The following GRIK4 variants were observed in gnomAD, a reference collection of about 807,000 sequenced individuals.
GRIK4 encodes glutamate ionotropic receptor kainate type subunit 4.
GRIK4 carries 40 observed loss-of-function variants against 104.9 expected under a neutral mutation model. The observed-to-expected ratio is 0.38, with a 90% CI of 0.30 to 0.50. GRIK4 has a LOEUF of 0.50. Ranked by LOEUF, GRIK4 falls within the 20% of genes least tolerant of loss-of-function variation. The pLI is 0.93. For missense variants in GRIK4, 1,047 were observed against 1,308.1 expected (o/e 0.80, Z 3.08); for synonymous variants, 485 against 524.9 (o/e 0.92, Z 1.04).
intron 11 of GRIK4, among the ~76,000 whole-genome samples, chr11:120,889,051 G>T (rs1955198982): frequency 6.6e-6 from 1 of 152,104 alleles, no homozygotes; most frequent in African/African-American, 2.4e-5. Flanking sequence ...GTATTTGATG[G>T]TTCCCTCTGC....
At chr11:120,817,361 A>T (rs1952988865) in intron 5 of GRIK4, among the ~76,000 whole-genome samples, 1 of 152,106 alleles carries the variant, frequency 6.6e-6, no homozygotes, top group Non-Finnish European at 1.5e-5. Flanking sequence ...CTGCCCTGGG[A>T]GTGGCCAGAC....
chr11:120,687,652 A>G (rs1402231437), intron 3 of GRIK4, among the ~76,000 whole-genome samples: 1 of 152,136 alleles, frequency 6.6e-6, no homozygotes, highest in African/African-American at 2.4e-5. Flanking sequence ...ATCTTCCTCA[A>G]GAGGTGTTTT....
At chr11:120,727,911 G>T (rs1302820959) in intron 3 of GRIK4, among the ~76,000 whole-genome samples, 1 of 152,088 alleles carries the variant, frequency 6.6e-6, no homozygotes, top group African/African-American at 2.4e-5. Context: ...AATATGGTTT[G>T]AGAGAAAAAT....
At position 120,939,442 on chromosome 11, in the gene GRIK4, A is replaced by C. The variant is rs937266653; in HGVS notation, c.1477-905A>C. Among the ~76,000 whole-genome samples, 12 of 152,170 alleles carry C rather than the reference A, an allele frequency of 7.9e-5. No individual in the cohort carries two copies. Among genetic ancestry groups the C allele is most frequent in the Non-Finnish European group, 1.3e-4 (9 of 68,024 alleles). On this transcript the variant is annotated intron_variant, in intron 13 of 20. Transcript: ENST00000527524. The surrounding 1 kb of genome is among the most constrained non-coding windows in gnomAD (Gnocchi z 5.6). ...TGAAGTTTCACCTGGACAGCGACAT[A>C]AGTGGCCAGTGATCCAGGAGGCCTG...
chr11:120,780,613 C>A (rs569058626), intron 3 of GRIK4, among the ~76,000 whole-genome samples: 1 of 152,288 alleles, frequency 6.6e-6, no homozygotes, highest in South Asian at 2.1e-4. Flanking sequence ...CAATTTGAGA[C>A]CCTGCTTTCT....
intron 1 of GRIK4, among the ~76,000 whole-genome samples, chr11:120,583,380 T>C (rs879814311): frequency 6.6e-6 from 1 of 152,240 alleles, no homozygotes; most frequent in Non-Finnish European, 1.5e-5. Flanking sequence ...AATTTTTGTT[T>C]CTGTTGGAGT....
chr11:120,847,484 G>A (rs1018958107), intron 8 of GRIK4, among the ~76,000 whole-genome samples: 6 of 152,198 alleles, frequency 3.9e-5, no homozygotes, highest in Admixed American at 2.0e-4. Context: ...AAAGCTTCCT[G>A]GAATAGGCCA....
At position 120,986,318 on chromosome 11, in the gene GRIK4, G is replaced by A. The variant is rs893214063; in HGVS notation, c.*58G>A. ...CGGGGCGGGAGGGGAGGGGCGGGGC[G>A]GGCGCTGCTGTCAGCCGCCAGCCGG... On this transcript the variant is annotated 3_prime_UTR_variant, in exon 21 of 21. Coordinates refer to ENST00000527524, the MANE Select transcript of GRIK4 (RefSeq NM_014619.5). 3 of 1,417,430 alleles carry A rather than the reference G, an allele frequency of 2.1e-6. No homozygotes were observed. Among genetic ancestry groups the A allele is most frequent in the Non-Finnish European group, 2.7e-6 (3 of 1,091,054 alleles). 87.8% of individuals were successfully genotyped at this position (1,417,430 alleles called of 1,614,324 possible).
chr11:120,636,820 A>G (rs973172514), intron 1 of GRIK4, among the ~76,000 whole-genome samples: 4 of 151,192 alleles, frequency 2.6e-5, no homozygotes, highest in African/African-American at 9.8e-5. Flanking sequence ...AGCCTGGGAG[A>G]CAGAGTGAGA....
chr11:120,668,766 G>T (rs1010506437), intron 3 of GRIK4, among the ~76,000 whole-genome samples: 1 of 152,244 alleles, frequency 6.6e-6, no homozygotes, highest in Non-Finnish European at 1.5e-5. Context: ...AGACTGCTCG[G>T]ATATGAATCT....
At chr11:120,895,898 G>A (rs2084694001) in intron 11 of GRIK4, among the ~76,000 whole-genome samples, 3 of 152,194 alleles carry the variant, frequency 2.0e-5, no homozygotes, top group Admixed American at 2.0e-4. Context: ...CCCATGCAGA[G>A]AGGAGGAGGA....
chr11:120,861,588 C>T (rs1303994259), intron 8 of GRIK4, among the ~76,000 whole-genome samples: 1 of 152,138 alleles, frequency 6.6e-6, no homozygotes, highest in Non-Finnish European at 1.5e-5. Flanking sequence ...ACTCACAATT[C>T]TCCACCCAGA....
At chr11:120,949,052 T>C (rs576126614) in intron 14 of GRIK4, among the ~76,000 whole-genome samples, 2 of 152,328 alleles carry the variant, frequency 1.3e-5, no homozygotes, top group African/African-American at 4.8e-5. Flanking sequence ...GGTGTCCCCA[T>C]GAATCTGGCT....
intron 3 of GRIK4, among the ~76,000 whole-genome samples, chr11:120,702,953 A>G (rs528250185): frequency 4.6e-5 from 7 of 152,318 alleles, no homozygotes; most frequent in Non-Finnish European, 5.9e-5. Context: ...AAGTCCTTTT[A>G]GGGGAGTATT....
intron 3 of GRIK4, among the ~76,000 whole-genome samples, chr11:120,762,941 GGAT>G (rs1951774168): frequency 6.6e-6 from 1 of 152,156 alleles, no homozygotes; most frequent in African/African-American, 2.4e-5. Flanking sequence ...TTTGGTATCA[GGAT>G]GATGCTGGGC....
intron 3 of GRIK4, among the ~76,000 whole-genome samples, chr11:120,763,147 T>C (rs1951777715): frequency 1.3e-5 from 2 of 152,208 alleles, no homozygotes; most frequent in Non-Finnish European, 2.9e-5. Context: ...ATTCAGGAAT[T>C]CAACTTCTTC....
At chr11:120,767,766 G>A (rs1951865329) in intron 3 of GRIK4, among the ~76,000 whole-genome samples, 1 of 152,080 alleles carries the variant, frequency 6.6e-6, no homozygotes. Flanking sequence ...ATTTGCATGT[G>A]GAAATCCAGT....
At chr11:120,619,703 C>T (rs1337615748) in intron 1 of GRIK4, among the ~76,000 whole-genome samples, 1 of 152,146 alleles carries the variant, frequency 6.6e-6, no homozygotes, top group Non-Finnish European at 1.5e-5. Context: ...CTCCCCTACT[C>T]TTCCTCTTGC....
chr11:120,560,970 C>A (rs1180809183), intron 1 of GRIK4, among the ~76,000 whole-genome samples: 1 of 152,168 alleles, frequency 6.6e-6, no homozygotes, highest in Non-Finnish European at 1.5e-5. Flanking sequence ...CTTTATTTGG[C>A]CTCAGCCTTA....
Sources: allele counts gnomAD v4.1 joint callset (sites outside exome capture counted in the v4.1 genomes callset), GRCh38; gene constraint gnomAD v4.1.1; non-coding constraint Gnocchi (gnomAD v3.1); transcripts MANE v1.5; gene names NCBI Gene and HGNC (gene_info 2026-07-23, HGNC 2026-07-21).